Variants in SAMD12 observed in about 807,000 individuals in gnomAD.
SAMD12 encodes sterile alpha motif domain containing 12.
In SAMD12, 9 loss-of-function variants were observed where a neutral mutation model predicts 15.0. The ratio of observed to expected loss-of-function variants is 0.60; its 90% CI spans 0.36 to 1.05. The LOEUF is 1.05. Ranked by LOEUF, SAMD12 falls within the 50% of genes least tolerant of loss-of-function variation. SAMD12 has a pLI of 0.01. For synonymous variants in SAMD12, 86 were observed against 90.1 expected (o/e 0.96, Z 0.25); for missense variants, 230 against 234.2 (o/e 0.98, Z 0.12).
intron 2 of SAMD12, among the ~76,000 whole-genome samples, chr8:118,555,519 T>G (rs1826503184): frequency 6.6e-6 from 1 of 152,236 alleles, no homozygotes; most frequent in African/African-American, 2.4e-5. Context: ...CTTATCTTCC[T>G]CCACACTATC....
At chr8:118,219,694 T>A (rs1294750323) in intron 4 of SAMD12, among the ~76,000 whole-genome samples, 1 of 152,148 alleles carries the variant, frequency 6.6e-6, no homozygotes, top group Non-Finnish European at 1.5e-5. Flanking sequence ...CATGGAGACA[T>A]CCTGACAATA....
At chr8:118,284,551 T>G in intron 4 of SAMD12, 1 of 337,430 alleles carries the variant, frequency 3.0e-6, no homozygotes, top group Non-Finnish European at 5.8e-6. Context: ...GAAATGGTGA[T>G]GTGAAATTCA....
At chr8:118,483,893 C>A (rs932242789) in intron 2 of SAMD12, among the ~76,000 whole-genome samples, 4 of 152,274 alleles carry the variant, frequency 2.6e-5, no homozygotes, top group Admixed American at 6.5e-5. Flanking sequence ...AGATTCAAAG[C>A]CAGATTTATT....
chr8:118,490,034 T>C (rs770762033), intron 2 of SAMD12, among the ~76,000 whole-genome samples: 11 of 152,140 alleles, frequency 7.2e-5, no homozygotes, highest in Non-Finnish European at 1.5e-4. Flanking sequence ...CCCCTGTCTA[T>C]AGAAAAAGGC....
intron 2 of SAMD12, among the ~76,000 whole-genome samples, chr8:118,469,533 A>AT (rs1208522052): frequency 2.5e-3 from 2 of 786 alleles, no homozygotes; most frequent in East Asian, 0.012. Context: ...ATAATATATT[A>AT]TATATATTAT....
intron 1 of SAMD12, among the ~76,000 whole-genome samples, chr8:118,617,694 GA>G (rs1563614252): frequency 6.6e-6 from 1 of 152,008 alleles, no homozygotes; most frequent in African/African-American, 2.4e-5. Flanking sequence ...AATTGGGGAT[GA>G]GGGGTAAAAA....
the SAMD12 span, among the ~76,000 whole-genome samples, chr8:118,159,910 G>A: frequency 4.6e-5 from 7 of 151,928 alleles, no homozygotes; most frequent in Non-Finnish European, 7.4e-5. Flanking sequence ...AGTAGAGACA[G>A]GGTTTCACTA....
At chr8:118,342,244 A>G (rs1403494508) in intron 4 of SAMD12, among the ~76,000 whole-genome samples, 3 of 82,648 alleles carry the variant, frequency 3.6e-5, no homozygotes, top group African/African-American at 1.7e-4. Context: ...GTGAGTCGAG[A>G]TCATGCCACA....
intron 2 of SAMD12, among the ~76,000 whole-genome samples, chr8:118,477,362 G>T (rs1005220032): frequency 6.6e-6 from 1 of 152,066 alleles, no homozygotes; most frequent in African/African-American, 2.4e-5. Flanking sequence ...CATTGCGCTC[G>T]ACCTCTGCGG....
At chr8:118,226,724 CTG>C (rs1177216792) in intron 4 of SAMD12, among the ~76,000 whole-genome samples, 1 of 152,170 alleles carries the variant, frequency 6.6e-6, no homozygotes, top group Non-Finnish European at 1.5e-5. Flanking sequence ...CCAGTAAACT[CTG>C]TGTAGTAACT....
At chr8:118,251,619 A>C (rs1812823095) in intron 4 of SAMD12, among the ~76,000 whole-genome samples, 1 of 152,140 alleles carries the variant, frequency 6.6e-6, no homozygotes. Context: ...TGGCCCCAGA[A>C]TTAAAAGCAA....
intron 2 of SAMD12, among the ~76,000 whole-genome samples, chr8:118,472,420 C>T (rs1823827198): frequency 2.6e-5 from 4 of 152,022 alleles, no homozygotes; most frequent in Admixed American, 1.3e-4. Flanking sequence ...GGTGCAGTGG[C>T]TCATGCCTCT....
intron 4 of SAMD12, among the ~76,000 whole-genome samples, chr8:118,349,112 G>A (rs1817822014): frequency 6.6e-6 from 1 of 152,170 alleles, no homozygotes; most frequent in Non-Finnish European, 1.5e-5. Flanking sequence ...TGAATCAAGA[G>A]TCATACAGAT....
At chr8:118,317,791 T>C (rs909569302) in intron 4 of SAMD12, among the ~76,000 whole-genome samples, 65 of 152,126 alleles carry the variant, frequency 4.3e-4, no homozygotes, top group African/African-American at 1.6e-3. Flanking sequence ...TGGGAGATTT[T>C]TGATAAAGAA....
intron 2 of SAMD12, among the ~76,000 whole-genome samples, chr8:118,477,538 A>G (rs1823993923): frequency 1.3e-5 from 2 of 152,190 alleles, no homozygotes; most frequent in African/African-American, 2.4e-5. Flanking sequence ...CCATTTTCCT[A>G]TTTTGAGCTG....
intron 2 of SAMD12, among the ~76,000 whole-genome samples, chr8:118,557,923 GA>G (rs1826588765): frequency 6.6e-6 from 1 of 151,870 alleles, no homozygotes; most frequent in East Asian, 1.9e-4. Flanking sequence ...AAAATAGGTT[GA>G]GACCAACCTA....
chr8:118,162,037 G>A, the SAMD12 span, among the ~76,000 whole-genome samples: 1 of 151,436 alleles, frequency 6.6e-6, no homozygotes, highest in African/African-American at 2.4e-5. Flanking sequence ...GCGCATGCCT[G>A]TAGTCCCAGC....
At chr8:118,585,139 A>G (rs991755139) in intron 1 of SAMD12, among the ~76,000 whole-genome samples, 16 of 152,242 alleles carry the variant, frequency 1.1e-4, no homozygotes, top group Non-Finnish European at 1.8e-4. Context: ...ATTCTCATCC[A>G]TACTACAACA....
rs58076997 is a variant in SAMD12 at position 118,302,078 on chromosome 8, G to GTTTTTTTTTTTTTTTTTTTTT, written c.433+77461_433+77481dup. On this transcript the variant is annotated intron_variant, in intron 4 of 4. Transcript: ENST00000409003. Reference sequence around the variant, plus strand: ...ATTTTCTAGCGCCAGATCTTTGAGAGTTTTTTTTTTTTTTTTTTTTTTTTT... The same window carrying GTTTTTTTTTTTTTTTTTTTTT: ...ATTTTCTAGCGCCAGATCTTTGAGAGTTTTTTTTTTTTTTTTTTTTTTTTTTTTTTTTTTTTTTTTTTTTTT... Among the ~76,000 whole-genome samples the GTTTTTTTTTTTTTTTTTTTTT allele has an allele frequency of 8.4e-4, 63 of 74,692 alleles. 12 individuals are homozygous for GTTTTTTTTTTTTTTTTTTTTT. Among genetic ancestry groups the GTTTTTTTTTTTTTTTTTTTTT allele is most frequent in the East Asian group, 4.3e-3 (8 of 1,868 alleles). 49.0% of individuals were successfully genotyped at this position (74,692 alleles called of 152,430 possible). A position where few individuals can be genotyped will look rare whatever the true frequency, so the allele number is the denominator to read the frequency against.
Sources: allele counts gnomAD v4.1 joint callset (sites outside exome capture counted in the v4.1 genomes callset), GRCh38; gene constraint gnomAD v4.1.1; transcripts MANE v1.5; gene names NCBI Gene and HGNC (gene_info 2026-07-23, HGNC 2026-07-21).